Variants in KIF21B observed in about 807,000 individuals in gnomAD.
The protein encoded by KIF21B is kinesin family member 21B.
In KIF21B, 85 loss-of-function variants were observed where a neutral mutation model predicts 192.9. The observed-to-expected ratio is 0.44, with a 90% confidence interval of 0.37 to 0.53. The LOEUF is 0.53. KIF21B is among the 20% of genes least tolerant of loss of function. KIF21B has a pLI of 0.00. For synonymous variants in KIF21B, 832 were observed against 884.6 expected, an observed-to-expected ratio of 0.94 and a Z score of 1.05; for missense variants, 1,716 against 2,194.8, an observed-to-expected ratio of 0.78 and a Z score of 4.36.
At chr1:201,014,824 C>G (rs1389695581) in intron 1 of KIF21B, among the ~76,000 whole-genome samples, 3 of 152,258 alleles carry the variant, frequency 2.0e-5, no homozygotes, top group Admixed American at 6.5e-5. Context: ...AAGGGTCTGT[C>G]TTCTCACTGA....
rs1334687647 is a variant in KIF21B at position 200,996,227 on chromosome 1, T to C, written c.2246A>G (p.Gln749Arg). The change falls in exon 15 of 35, where the codon CAG becomes CGG. Residue 749 changes from glutamine to arginine, a missense_variant. Coordinates refer to ENST00000461742, the MANE Select transcript of KIF21B (RefSeq NM_001252102.2). ...SRYERELKKL[Q>R]AEVAEMKKAK... ...CTTCTTCATCTCAGCCACCTCGGCC[T>C]GTAGCTTCTTCAGCTCCCTCTCGTA... 1.5e-5 allele frequency: 25 copies of C among 1,613,592 alleles called. No individual in the cohort carries two copies. Among genetic ancestry groups the C allele is most frequent in the South Asian group, 3.3e-5 (3 of 91,054 alleles).
chr1:201,019,650 A>T (rs1658709919), intron 1 of KIF21B, among the ~76,000 whole-genome samples: 1 of 151,758 alleles, frequency 6.6e-6, no homozygotes, highest in East Asian at 1.9e-4. Flanking sequence ...GCCTGTGGTT[A>T]CTACACTCCA....
intron 34 of KIF21B, 75 bp from the exon 35 acceptor site, chr1:200,973,653 A>G (rs1655344816): frequency 1.3e-6 from 2 of 1,514,222 alleles, no homozygotes; most frequent in African/African-American, 2.8e-5. Context: ...CCAAAAGTAG[A>G]GGATGAACTG....
At chr1:201,002,409 G>A in intron 8 of KIF21B, 59 bp from the exon 9 acceptor site, 1 of 1,502,352 alleles carries the variant, frequency 6.7e-7, no homozygotes, top group Non-Finnish European at 9.2e-7. Context: ...GGGGGGGTAA[G>A]GGGCTGATGA....
At chr1:201,012,167 C>G (rs1353438357) in intron 1 of KIF21B, among the ~76,000 whole-genome samples, 1 of 152,168 alleles carries the variant, frequency 6.6e-6, no homozygotes. Context: ...TCTTTGTGGT[C>G]AGAAAGAGAC....
chr1:200,979,493 C>A, intron 30 of KIF21B, 42 bp downstream of exon 30: 1 of 1,479,660 alleles, frequency 6.8e-7, no homozygotes, highest in Non-Finnish European at 9.1e-7. Context: ...CCAACACAGC[C>A]TGCTGCAGCC....
chr1:200,973,965 G>A (rs1469437561), intron 34 of KIF21B: 2 of 1,544,340 alleles, frequency 1.3e-6, no homozygotes, highest in Admixed American at 3.9e-5. Flanking sequence ...GGCAGGACAG[G>A]AAGGGAAAGG....
intron 3 of KIF21B, among the ~76,000 whole-genome samples, chr1:201,007,914 G>A (rs1658008195): frequency 6.6e-6 from 1 of 152,164 alleles, no homozygotes; most frequent in African/African-American, 2.4e-5. Context: ...TTTATCAGAA[G>A]CGAAAGTCCA....
chr1:200,996,099 A>C (rs1204004543), intron 15 of KIF21B, 97 bp downstream of exon 15: 1 of 1,242,378 alleles, frequency 8.0e-7, no homozygotes, highest in East Asian at 2.3e-5. Flanking sequence ...AAGAGAATCC[A>C]CACTTGACAG....
chr1:200,992,103 C>A (rs1027376366), intron 16 of KIF21B, among the ~76,000 whole-genome samples, 179 bp downstream of exon 16: 5 of 152,218 alleles, frequency 3.3e-5, no homozygotes, highest in African/African-American at 1.2e-4. Flanking sequence ...GGGGGCTGGA[C>A]CAGAAGCCAC....
chr1:200,991,741 G>A lies in KIF21B; in HGVS notation c.2386-16C>T. On this transcript the variant is annotated splice_polypyrimidine_tract_variant and intron_variant, in intron 16 of 34. Coordinates refer to ENST00000461742, the MANE Select transcript of KIF21B (RefSeq NM_001252102.2). ...GGATCTGAAACTGTGGGAGACAGAA[G>A]AGGGCTGGGCTCCACACTCAGGCAC... The A allele has an allele frequency of 1.2e-6, 2 of 1,613,702 alleles. No homozygotes were observed. Among genetic ancestry groups the A allele is most frequent in the Non-Finnish European group, 1.7e-6 (2 of 1,179,818 alleles).
intron 34 of KIF21B, chr1:200,974,041 G>A: frequency 6.3e-7 from 1 of 1,592,566 alleles, no homozygotes; most frequent in Non-Finnish European, 8.6e-7. Flanking sequence ...GGGAAAGAGA[G>A]GGAAAAGGAA....
rs781707927 is a variant in KIF21B, at chr1:201,000,792, C to T, written c.1403-12G>A. 3.1e-6 allele frequency: 5 copies of T among 1,614,056 alleles called. No homozygotes were observed. Among genetic ancestry groups the T allele is most frequent in the East Asian group, 4.5e-5 (2 of 44,876 alleles). The stretch of plus-strand genomic sequence containing the variant: ...CTCATTGCCATCGCCTGGAGTGGGA[C>T]GGCGGGAAGAAGGGTGCGATAAAGA... On this transcript the variant is annotated splice_polypyrimidine_tract_variant and intron_variant, in intron 9 of 34. Coordinates refer to ENST00000461742, the MANE Select transcript of KIF21B (RefSeq NM_001252102.2). This position sits in a 1 kb window ranked among gnomAD's most constrained non-coding sequence, Gnocchi z 6.0.
In KIF21B at chr1:201,004,368, G is replaced by T. The variant is rs748862435; in HGVS notation, c.988C>A (p.Leu330Ile). 3 of 1,574,012 alleles carry T rather than the reference G, an allele frequency of 1.9e-6. No individual in the cohort carries two copies. Among genetic ancestry groups the T allele is most frequent in the Admixed American group, 3.7e-5 (2 of 53,598 alleles). ...VPYRDSKLTR[L>I]LQDSLGGNSQ... ...TTGCCCCCCAGCGAATCCTGGAGGA[G>T]CCGAGTGAGCTTGGAGTCCCTGTAG... The change falls in exon 7 of 35, where the codon CTC becomes ATC. Residue 330 changes from leucine (L) to isoleucine (I), a missense_variant. Around this residue, in one of 3 missense-constraint regions of KIF21B, gnomAD observed 1,087 missense variants for 1,316.6 expected, o/e 0.83. Transcript: ENST00000461742.
rs775137986 is a variant in KIF21B, at chr1:201,009,383, G to A, written c.147C>T (p.Thr49=). The A allele has an allele frequency of 6.2e-7, 1 of 1,614,240 alleles. No individual in the cohort carries two copies. Among genetic ancestry groups the A allele is most frequent in the Non-Finnish European group, 8.5e-7 (1 of 1,180,032 alleles). Residue 49 remains threonine, a synonymous_variant, in exon 2 of 35, where the codon ACC becomes ACT. Transcript: ENST00000461742. ...QVLLGKDKAF[T]YDFVFDLDTW... Reference sequence around the variant, plus strand: ...TGTCCAGGTCGAAGACAAAGTCATAGGTGAAGGCCTTGTCCTTCCCCAGCA... The same window carrying A: ...TGTCCAGGTCGAAGACAAAGTCATAAGTGAAGGCCTTGTCCTTCCCCAGCA...
chr1:200,985,517 G>C (rs925059), intron 26 of KIF21B, among the ~76,000 whole-genome samples: 48,007 of 151,842 alleles, frequency 0.32, 9,967 homozygotes, highest in African/African-American at 0.58. Flanking sequence ...CTGCCTCCCA[G>C]CAAGGCAGGT....
chr1:201,000,194 G>A lies in KIF21B; in HGVS notation c.1685+196C>T, dbSNP rs149796154. ...GGGAAAGCAGATGGCATAGGAGAAC[G>A]TGGGGGAGGGAGGTTGCCCAAAAGG... On this transcript the variant is annotated intron_variant, in intron 11 of 34. Coordinates refer to ENST00000461742, the MANE Select transcript of KIF21B (RefSeq NM_001252102.2). This position sits in a 1 kb window ranked among gnomAD's most constrained non-coding sequence, Gnocchi z 6.0. Among the ~76,000 whole-genome samples, 12 of 152,284 alleles carry A rather than the reference G, an allele frequency of 7.9e-5. No homozygotes were observed. The highest frequency in any genetic ancestry group is 1.3e-4 in the Admixed American group (2 of 15,294).
intron 29 of KIF21B, 118 bp downstream of exon 29, chr1:200,980,842 C>T (rs1655861361): frequency 3.9e-6 from 5 of 1,284,174 alleles, no homozygotes; most frequent in Non-Finnish European, 4.3e-6. Flanking sequence ...AAATAGACCC[C>T]ATATCCTCAA....
chr1:200,975,769 CT>C lies in KIF21B; in HGVS notation c.4444-101del. On this transcript the variant is annotated intron_variant, in intron 32 of 34. Coordinates refer to ENST00000461742, the MANE Select transcript of KIF21B (RefSeq NM_001252102.2). The surrounding 1 kb of genome is among the most constrained non-coding windows in gnomAD (Gnocchi z 4.3). ...GAGGCCTGAAGACCCAGGAGTCTGGCTAGGGTGACAGCCACTGCCCTCTGGG... is the reference window on the plus strand; with the variant it reads ...GAGGCCTGAAGACCCAGGAGTCTGGCAGGGTGACAGCCACTGCCCTCTGGG... 8.1e-7 allele frequency: 1 copy of C among 1,236,864 alleles called. No individual in the cohort carries two copies. Among genetic ancestry groups the C allele is most frequent in the Non-Finnish European group, 1.1e-6 (1 of 911,670 alleles). 76.6% of individuals were successfully genotyped at this position (1,236,864 alleles called of 1,614,324 possible). A position where few individuals can be genotyped will look rare whatever the true frequency, so the allele number is the denominator to read the frequency against.
Sources: allele counts gnomAD v4.1 joint callset (sites outside exome capture counted in the v4.1 genomes callset), GRCh38; gene constraint gnomAD v4.1.1; regional missense constraint gnomAD v4.1.1; non-coding constraint Gnocchi (gnomAD v3.1); transcripts MANE v1.5; gene names NCBI Gene and HGNC (gene_info 2026-07-23, HGNC 2026-07-21).